The following PITPNA variants were observed in gnomAD, a reference collection of about 807,000 sequenced individuals.
PITPNA encodes phosphatidylinositol transfer protein alpha, also known as phosphatidylinositol transfer protein alpha isoform.
In PITPNA, 13 loss-of-function variants were observed where a neutral mutation model predicts 50.3. The ratio of observed to expected loss-of-function variants is 0.26; its 90% CI spans 0.17 to 0.41. The LOEUF is 0.41. Among genes scored for constraint, PITPNA ranks in the 10% least tolerant of loss-of-function variants. PITPNA has a pLI of 1.00. For missense variants in PITPNA, 207 were observed against 333.4 expected, an observed-to-expected ratio of 0.62 and a Z score of 2.95; for synonymous variants, 120 against 119.6, an observed-to-expected ratio of 1.00 and a Z score of -0.02.
At chr17:1,528,668 T>C (rs116074419) in intron 10 of PITPNA, among the ~76,000 whole-genome samples, 6,424 of 151,582 alleles carry the variant, frequency 0.042, 475 homozygotes, top group African/African-American at 0.15. Context: ...GCCCAGAAGT[T>C]GAAGGCTGCA....
intron 2 of PITPNA, among the ~76,000 whole-genome samples, chr17:1,554,851 C>G (rs1181635535): frequency 6.6e-6 from 1 of 152,196 alleles, no homozygotes; most frequent in South Asian, 2.1e-4. Flanking sequence ...GAAATCCATA[C>G]AGAGGAACAT....
chr17:1,525,012 CAG>C (rs1234361074), intron 10 of PITPNA, among the ~76,000 whole-genome samples: 2 of 151,846 alleles, frequency 1.3e-5, no homozygotes, highest in African/African-American at 4.8e-5. Flanking sequence ...GTTTTTGAGA[CAG>C]AGTCTCGCTC....
rs1598413167 is a variant in PITPNA, at chr17:1,553,278, T to C, written c.52-129A>G. 9 of 1,027,532 alleles carry C rather than the reference T, an allele frequency of 8.8e-6. No individual in the cohort carries two copies. In the East Asian group the frequency reaches 2.3e-4, roughly 26 times the overall value. 63.7% of individuals were successfully genotyped at this position (1,027,532 alleles called of 1,614,324 possible). On this transcript the variant is annotated intron_variant, in intron 2 of 11. Transcript: ENST00000313486. Reference sequence around the variant, plus strand: ...TCATGCAGGAGCTGGTTCTGGAGTTTCACATCAGGCCTTGCCCAAACCCAC... The same window carrying C: ...TCATGCAGGAGCTGGTTCTGGAGTTCCACATCAGGCCTTGCCCAAACCCAC...
At chr17:1,525,659 C>T (rs139086523) in intron 10 of PITPNA, among the ~76,000 whole-genome samples, 6,756 of 152,118 alleles carry the variant, frequency 0.044, 518 homozygotes, top group African/African-American at 0.15. Flanking sequence ...GCTGGGATTA[C>T]AGGCATGTGC....
chr17:1,544,919 G>A (rs2151010102), intron 4 of PITPNA, among the ~76,000 whole-genome samples: 1 of 152,306 alleles, frequency 6.6e-6, no homozygotes, highest in South Asian at 2.1e-4. Flanking sequence ...CTTAAACCTA[G>A]CAGGCGGAGG....
intron 4 of PITPNA, among the ~76,000 whole-genome samples, chr17:1,544,170 T>C (rs989421062): frequency 2.6e-5 from 4 of 152,198 alleles, no homozygotes; most frequent in Admixed American, 2.6e-4. Flanking sequence ...TGCTCATCAA[T>C]GGACCCAAGA....
chr17:1,561,640 A>G (rs1223628527), intron 1 of PITPNA, among the ~76,000 whole-genome samples: 1 of 151,970 alleles, frequency 6.6e-6, no homozygotes, highest in Non-Finnish European at 1.5e-5. Context: ...CCACGTCCCA[A>G]GCAGTCATCC....
chr17:1,522,042 T>C (rs1351345016), intron 10 of PITPNA, among the ~76,000 whole-genome samples: 1 of 151,800 alleles, frequency 6.6e-6, no homozygotes, highest in African/African-American at 2.4e-5. Flanking sequence ...TTCATTCATT[T>C]ATTCATTCAA....
chr17:1,544,930 T>C (rs1213655055), intron 4 of PITPNA, among the ~76,000 whole-genome samples: 1 of 151,928 alleles, frequency 6.6e-6, no homozygotes, highest in Admixed American at 6.6e-5. Flanking sequence ...CAGGCGGAGG[T>C]TGCAGTGAGC....
At chr17:1,555,477 G>C (rs1007921733) in intron 2 of PITPNA, among the ~76,000 whole-genome samples, 2 of 152,040 alleles carry the variant, frequency 1.3e-5, no homozygotes, top group Non-Finnish European at 2.9e-5. Context: ...GGAGTGGGAG[G>C]GTCAGATCAT....
intron 1 of PITPNA, chr17:1,559,935 T>C (rs2075759558): frequency 4.7e-6 from 1 of 213,208 alleles, no homozygotes; most frequent in Non-Finnish European, 8.1e-6. Flanking sequence ...TGCAGAAAAA[T>C]ACTCCCAACT....
rs980100143 is a variant in PITPNA, at chr17:1,517,915, A to G, written c.*2646T>C. On this transcript the variant is annotated 3_prime_UTR_variant, in exon 12 of 12. Coordinates refer to ENST00000313486, the MANE Select transcript of PITPNA (RefSeq NM_006224.4). Reference sequence around the variant, plus strand: ...CTCTTCCTAATCCTGCCCTGGTAAAATGGCGGTTATCAGTGCAAGTTTGAG... The same window carrying G: ...CTCTTCCTAATCCTGCCCTGGTAAAGTGGCGGTTATCAGTGCAAGTTTGAG... 1 of 152,600 alleles carries G rather than the reference A, an allele frequency of 6.6e-6. No homozygotes were observed. The highest frequency in any genetic ancestry group is 1.5e-5 in the Non-Finnish European group (1 of 68,032). 9.5% of individuals were successfully genotyped at this position (152,600 alleles called of 1,614,324 possible). A position where few individuals can be genotyped will look rare whatever the true frequency, so the allele number is the denominator to read the frequency against.
chr17:1,523,860 T>G (rs1013815283), intron 10 of PITPNA, among the ~76,000 whole-genome samples: 1 of 151,624 alleles, frequency 6.6e-6, no homozygotes, highest in African/African-American at 2.4e-5. Flanking sequence ...GGTCTCATTG[T>G]ATTGCCCAGG....
intron 10 of PITPNA, among the ~76,000 whole-genome samples, chr17:1,526,383 G>T (rs1376162962): frequency 1.3e-5 from 2 of 152,212 alleles, no homozygotes; most frequent in South Asian, 2.1e-4. Context: ...CGTGATTCTG[G>T]GCTGTAGCCT....
At chr17:1,558,098 G>A (rs2075746618) in intron 2 of PITPNA, among the ~76,000 whole-genome samples, 1 of 152,106 alleles carries the variant, frequency 6.6e-6, no homozygotes, top group South Asian at 2.1e-4. Context: ...GGGTGTGGTG[G>A]CACACACCTG....
chr17:1,545,720 G>C (rs1199580861), intron 4 of PITPNA, among the ~76,000 whole-genome samples: 1 of 152,138 alleles, frequency 6.6e-6, no homozygotes, highest in African/African-American at 2.4e-5. Flanking sequence ...AAATGCCCAT[G>C]TCAGCCGCAA....
chr17:1,548,178 C>A, intron 4 of PITPNA, 118 bp downstream of exon 4: 1 of 629,344 alleles, frequency 1.6e-6, no homozygotes, highest in Non-Finnish European at 2.8e-6. Flanking sequence ...TGATACCCAC[C>A]ATCAGCCGGA....
chr17:1,551,848 T>C lies in PITPNA; in HGVS notation c.197+1156A>G, dbSNP rs143132721. On this transcript the variant is annotated intron_variant, in intron 3 of 11. Transcript: ENST00000313486. ...CACTGCTCTCCTCGCACCCCGGCAC[T>C]GAGGTCCTGGACCCTCTGGCGAGGA... Among the ~76,000 whole-genome samples, 288 of 152,200 alleles carry C rather than the reference T, an allele frequency of 1.9e-3. 1 individual carries two copies. The highest frequency in any genetic ancestry group is 6.7e-3 in the African/African-American group (276 of 41,498).
rs548972406 is a variant in PITPNA at position 1,526,036 on chromosome 17, G to A, written c.769-4391C>T. 3.9e-5 allele frequency among the ~76,000 whole-genome samples: 6 copies of A among 152,330 alleles called. No homozygotes were observed. The South Asian group carries it at 1.0e-3, about 26-fold the overall frequency. ...AAACACCCCCCTCCACTATATGGAA[G>A]CAGCGCTCCTTGAAGATGTGGCCAG... On this transcript the variant is annotated intron_variant, in intron 10 of 11. Transcript: ENST00000313486.
Sources: allele counts gnomAD v4.1 joint callset (sites outside exome capture counted in the v4.1 genomes callset), GRCh38; gene constraint gnomAD v4.1.1; transcripts MANE v1.5; gene names NCBI Gene and HGNC (gene_info 2026-07-23, HGNC 2026-07-21).